Variants in WDR91 observed in about 807,000 individuals in gnomAD.
WDR91 encodes the protein WD repeat-containing protein 91.
A neutral mutation model predicts 88.4 loss-of-function variants in WDR91; 52 were observed. The observed-to-expected ratio is 0.59, with a 90% CI of 0.47 to 0.74. WDR91 has a LOEUF of 0.74. WDR91 is among the 30% of genes least tolerant of loss of function. The pLI is 0.00. For missense variants in WDR91, 824 were observed against 954.5 expected, an observed-to-expected ratio of 0.86 and a Z score of 1.80; for synonymous variants, 362 against 389.5, an observed-to-expected ratio of 0.93 and a Z score of 0.83.
intron 3 of WDR91, among the ~76,000 whole-genome samples, chr7:135,207,810 C>A (rs1831856601): frequency 6.6e-6 from 1 of 152,232 alleles, no homozygotes; most frequent in African/African-American, 2.4e-5. Context: ...CAGACAGGGC[C>A]TCAGAACTGG....
rs1377435331 is a variant in WDR91 at position 135,206,041 on chromosome 7, A to C, written c.612T>G (p.Ala204=). Residue 204 remains alanine, a synonymous_variant, in exon 5 of 15, where the codon GCT becomes GCG. Transcript: ENST00000354475. ...VLRQKLFALQ[A]EIHRLKKEEQ... is the part of the protein sequence containing the mutation. ...CCTCTTTCTTCAGTCGGTGGATTTC[A>C]GCTTGCAATGCAAAAAGCTATACAG... 2 of 1,614,096 alleles carry C rather than the reference A, an allele frequency of 1.2e-6. No individual in the cohort carries two copies. The highest frequency in any genetic ancestry group is 1.7e-6 in the Non-Finnish European group (2 of 1,180,040).
intron 6 of WDR91, among the ~76,000 whole-genome samples, chr7:135,201,252 A>C (rs1298636009): frequency 1.3e-5 from 2 of 152,106 alleles, no homozygotes; most frequent in South Asian, 2.1e-4. Context: ...TGTGTGAGCC[A>C]AGCAGCAGCC....
chr7:135,207,456 G>T (rs945604415), intron 3 of WDR91: 16 of 486,050 alleles, frequency 3.3e-5, no homozygotes, highest in Non-Finnish European at 6.1e-5. Context: ...GCCCACAGAG[G>T]GGACATAAAT....
Position 135,185,628 on chromosome 7 carries a change from C to T in WDR91, c.*523G>A, listed in dbSNP as rs1830908053. On this transcript the variant is annotated 3_prime_UTR_variant, in exon 15 of 15. Transcript: ENST00000354475. ...GGAACTGCCAAACCTTGTTACCCAG[C>T]AGAACAGACAGAGAGCTGACCTGGC... 1 of 152,236 alleles carries T rather than the reference C, an allele frequency of 6.6e-6. No individual in the cohort carries two copies. Among genetic ancestry groups the T allele is most frequent in the South Asian group, 2.1e-4 (1 of 4,832 alleles). The allele number at this position is 152,236 out of a possible 1,614,324, so 9.4% of individuals were successfully genotyped here. A position where few individuals can be genotyped will look rare whatever the true frequency, so the allele number is the denominator to read the frequency against.
At position 135,211,300 on chromosome 7, in the gene WDR91, C is replaced by A. The variant is rs547108374; in HGVS notation, c.123+80G>T. The A allele has an allele frequency of 4.0e-5, 60 of 1,513,720 alleles. No individual in the cohort carries two copies. In the East Asian group the frequency reaches 1.5e-3, roughly 38 times the overall value. The allele number at this position is 1,513,720 out of a possible 1,614,324, so 93.8% of individuals were successfully genotyped here. ...GCGAGTGACAGCGCCGCTCTCGCCCCGGAGGCAGTGCTGGGGGGAAGCCCG... is the reference window on the plus strand; with the variant it reads ...GCGAGTGACAGCGCCGCTCTCGCCCAGGAGGCAGTGCTGGGGGGAAGCCCG... On this transcript the variant is annotated intron_variant, in intron 1 of 14. Transcript: ENST00000354475.
At chr7:135,189,217 A>T (rs1831071025) in intron 12 of WDR91, 127 bp downstream of exon 12, 1 of 700,212 alleles carries the variant, frequency 1.4e-6, no homozygotes, top group East Asian at 2.7e-5. Flanking sequence ...AAGCTGTAGT[A>T]CATGCATCTG....
chr7:135,200,629 T>C (rs1165015138), intron 6 of WDR91, among the ~76,000 whole-genome samples: 1 of 152,248 alleles, frequency 6.6e-6, no homozygotes, highest in African/African-American at 2.4e-5. Flanking sequence ...TTTTATTTCA[T>C]TTTAAGTGCA....
At chr7:135,195,472 T>C (rs1831329396) in intron 8 of WDR91, among the ~76,000 whole-genome samples, 1 of 152,264 alleles carries the variant, frequency 6.6e-6, no homozygotes. Context: ...CTGAAAATTA[T>C]GCCCCACCAG....
At chr7:135,207,461 A>C in intron 3 of WDR91, 1 of 477,076 alleles carries the variant, frequency 2.1e-6, no homozygotes, top group Middle Eastern at 5.7e-4. Flanking sequence ...CAGAGGGGAC[A>C]TAAATCCAAA....
At chr7:135,209,052 T>TAA in intron 2 of WDR91, 54 bp from the exon 3 acceptor site, 1 of 1,529,540 alleles carries the variant, frequency 6.5e-7, no homozygotes, top group Non-Finnish European at 9.0e-7. Context: ...AATCCAGAGG[T>TAA]AAGACTCTTC....
At chr7:135,207,713 C>T (rs546786226) in intron 3 of WDR91, among the ~76,000 whole-genome samples, 1 of 152,346 alleles carries the variant, frequency 6.6e-6, no homozygotes, top group African/African-American at 2.4e-5. Context: ...GATTGCGTGG[C>T]CACCCCAAGA....
chr7:135,202,657 G>T, intron 6 of WDR91, among the ~76,000 whole-genome samples: 1 of 152,248 alleles, frequency 6.6e-6, no homozygotes, highest in South Asian at 2.1e-4. Flanking sequence ...TTTCTTTCAA[G>T]TTAATGAAAT....
rs1022669537 is a variant in WDR91 at position 135,184,668 on chromosome 7, A to G, written c.*1483T>C. ...TGGTTGACACTCAGCTCAGCTACAG[A>G]TCGGCTCAGCCACAGTTGGGCCGGC... On this transcript the variant is annotated 3_prime_UTR_variant, in exon 15 of 15. Coordinates refer to ENST00000354475, the MANE Select transcript of WDR91 (RefSeq NM_014149.4). 1.3e-5 allele frequency: 2 copies of G among 151,950 alleles called. No homozygotes were observed. Among genetic ancestry groups the G allele is most frequent in the African/African-American group, 4.8e-5 (2 of 41,414 alleles). 9.4% of individuals were successfully genotyped at this position (151,950 alleles called of 1,614,324 possible).
chr7:135,203,167 AG>A (rs1164205129), intron 6 of WDR91, among the ~76,000 whole-genome samples: 3 of 152,218 alleles, frequency 2.0e-5, no homozygotes, highest in Non-Finnish European at 4.4e-5. Flanking sequence ...CTGGCCCCAA[AG>A]CCCATGCTCT....
chr7:135,207,490 A>T, intron 3 of WDR91: 1 of 434,452 alleles, frequency 2.3e-6, no homozygotes, highest in South Asian at 1.6e-5. Context: ...TTTTCTCTCA[A>T]ATACCAGAAG....
At position 135,196,113 on chromosome 7, in the gene WDR91, C is replaced by T. The variant is rs776576368; in HGVS notation, c.1244+31G>A. On this transcript the variant is annotated intron_variant, in intron 8 of 14. Coordinates refer to ENST00000354475, the MANE Select transcript of WDR91 (RefSeq NM_014149.4). The surrounding 1 kb of genome is among the most constrained non-coding windows in gnomAD (Gnocchi z 4.2). ...GTACTGCCTGAAAATCTGAGCTTCC[C>T]AGGGTTTCCTTGGCCCCAGGCCCAA... 1.4e-6 allele frequency: 2 copies of T among 1,471,364 alleles called. No homozygotes were observed. Among genetic ancestry groups the T allele is most frequent in the East Asian group, 2.6e-5 (1 of 38,804 alleles). The allele number at this position is 1,471,364 out of a possible 1,614,324, so 91.1% of individuals were successfully genotyped here.
In WDR91 at chr7:135,208,945, G is replaced by C; in HGVS notation, c.357C>G (p.Leu119=). The change falls in exon 3 of 15, where the codon CTC becomes CTG. Residue 119 remains leucine (L), a synonymous_variant. Transcript: ENST00000354475. ...AATCCTTCCACTCAGCCTGGTTCTG[G>C]AGTTCCGTGGCCTGCTTTGCAAAGA... is the stretch of plus-strand genomic sequence containing the variant. ...QEFFAKQATE[L]QNQAEWKDWF... The C allele has an allele frequency of 6.2e-7, 1 of 1,614,216 alleles. No homozygotes were observed. The highest frequency in any genetic ancestry group is 8.5e-7 in the Non-Finnish European group (1 of 1,180,046).
chr7:135,187,851 C>T (rs1342905088), intron 13 of WDR91, among the ~76,000 whole-genome samples: 1 of 152,102 alleles, frequency 6.6e-6, no homozygotes, highest in East Asian at 1.9e-4. Context: ...GTAGTTACTC[C>T]TTTCAAGGGA....
At chr7:135,207,957 G>C (rs967475233) in intron 3 of WDR91, among the ~76,000 whole-genome samples, 1 of 152,212 alleles carries the variant, frequency 6.6e-6, no homozygotes, top group Non-Finnish European at 1.5e-5. Flanking sequence ...GAACAACGGG[G>C]AAGAAACAAG....
Sources: gnomAD v4.1 joint callset for allele counts (sites outside exome capture counted in the v4.1 genomes callset) on GRCh38, gnomAD v4.1.1 for gene constraint, Gnocchi (gnomAD v3.1) non-coding constraint, MANE v1.5 for transcripts, NCBI Gene and HGNC (gene_info 2026-07-23, HGNC 2026-07-21) for gene names.